The following DDX27 variants were observed in gnomAD, a reference collection of about 807,000 sequenced individuals.
The protein encoded by DDX27 is probable ATP-dependent RNA helicase DDX27.
A neutral mutation model predicts 99.3 loss-of-function variants in DDX27; 42 were observed. The ratio of observed to expected loss-of-function variants is 0.42; its 90% CI spans 0.33 to 0.55. The LOEUF (loss-of-function observed/expected upper bound fraction) is 0.55, where lower values mean the gene tolerates loss of function less well. Ranked by LOEUF, DDX27 falls within the 20% of genes least tolerant of loss-of-function variation. The pLI is 0.07. For synonymous variants in DDX27, 329 were observed against 353.8 expected (o/e 0.93, Z 0.79); for missense variants, 798 against 976.8 (o/e 0.82, Z 2.44).
In DDX27 at chr20:49,219,468, T is replaced by C; in HGVS notation, c.20T>C (p.Leu7Ser). The C allele has an allele frequency of 6.2e-7, 1 of 1,614,050 alleles. No homozygotes were observed. Among genetic ancestry groups the C allele is most frequent in the African/African-American group, 1.3e-5 (1 of 75,010 alleles). Reference protein sequence around the residue: MLADLGLIGTIGEDDEV... With the variant: MLADLGSIGTIGEDDEV... ...GACAACATGCTTGCGGACCTCGGCT[T>C]AATCGGAACCATAGGCGAGGATGAC... The change falls in exon 1 of 21, where the codon TTA becomes TCA. Residue 7 changes from leucine to serine, a missense_variant. By Grantham distance (145) the Leu-to-Ser change is moderately radical. Coordinates refer to ENST00000618172, the MANE Select transcript of DDX27 (RefSeq NM_017895.8).
At chr20:49,225,601 A>G (rs913182552) in intron 6 of DDX27, among the ~76,000 whole-genome samples, 39 of 151,688 alleles carry the variant, frequency 2.6e-4, no homozygotes, top group African/African-American at 9.0e-4. Context: ...GACTACAGGC[A>G]CACGCTGCCA....
chr20:49,243,742 T>C, intron 20 of DDX27, 39 bp downstream of exon 20: 1 of 1,613,986 alleles, frequency 6.2e-7, no homozygotes, highest in Non-Finnish European at 8.5e-7. Flanking sequence ...GGTTTTGGGA[T>C]TAGAGATAAA....
At chr20:49,229,000 G>T in intron 8 of DDX27, 112 bp downstream of exon 8, 38 of 766,532 alleles carry the variant, frequency 5.0e-5, no homozygotes, top group South Asian at 1.2e-4. Context: ...AGGCCTTTGT[G>T]TTGATTGAAT....
chr20:49,226,464 C>A lies in DDX27; in HGVS notation c.635C>A (p.Pro212Gln). ...GCCATGGGCTTCAAGCAGCCCACCC[C>A]GATCCAGAAGGCGTGCATACCTGTG... The part of the protein sequence containing the change: ...ITAMGFKQPT[P>Q]IQKACIPVGL... Residue 212 changes from proline to glutamine, a missense_variant, in exon 7 of 21, where the codon CCG (proline) becomes CAG (glutamine). Pro to Gln is a moderately conservative substitution (Grantham distance 76). Coordinates refer to ENST00000618172, the MANE Select transcript of DDX27 (RefSeq NM_017895.8). The A allele has an allele frequency of 6.2e-7, 1 of 1,614,016 alleles. No individual in the cohort carries two copies. The highest frequency in any genetic ancestry group is 8.5e-7 in the Non-Finnish European group (1 of 1,179,964).
chr20:49,226,740 G>A (rs572539051), intron 7 of DDX27, among the ~76,000 whole-genome samples: 5 of 151,602 alleles, frequency 3.3e-5, no homozygotes, highest in East Asian at 1.9e-4. Flanking sequence ...TCAAGCGATC[G>A]ATTTTCCCAT....
intron 18 of DDX27, 149 bp downstream of exon 18, chr20:49,242,355 G>A (rs1443713220): frequency 8.1e-6 from 11 of 1,365,490 alleles, no homozygotes; most frequent in African/African-American, 5.9e-5. Flanking sequence ...ATCCCTCCAC[G>A]GTCTAAGGGG....
intron 18 of DDX27, 146 bp from the exon 19 acceptor site, chr20:49,242,448 A>C: frequency 1.1e-5 from 11 of 1,024,226 alleles, no homozygotes; most frequent in Non-Finnish European, 1.4e-5. Context: ...ACCAGCTGCT[A>C]CTTGGAGGAG....
intron 2 of DDX27, among the ~76,000 whole-genome samples, chr20:49,222,548 C>T (rs993835237): frequency 6.6e-6 from 1 of 150,926 alleles, no homozygotes; most frequent in African/African-American, 2.4e-5. Context: ...GAGTTTTGCT[C>T]TTGTTGCCCA....
At chr20:49,219,904 G>A (rs193209929) in intron 1 of DDX27, among the ~76,000 whole-genome samples, 5 of 152,284 alleles carry the variant, frequency 3.3e-5, no homozygotes, top group East Asian at 1.9e-4. Context: ...TGTTCATCGA[G>A]CCAGTGTTTA....
chr20:49,229,462 G>C (rs754957687), intron 8 of DDX27, among the ~76,000 whole-genome samples: 3 of 152,094 alleles, frequency 2.0e-5, no homozygotes, highest in Non-Finnish European at 4.4e-5. Flanking sequence ...TCTGCTCTGT[G>C]AGAATAATGA....
In DDX27 at chr20:49,236,960, CCTT is replaced by C. The variant is rs2146718130; in HGVS notation, c.1687+453_1687+455del. Among the ~76,000 whole-genome samples, 1 of 152,260 alleles carries C rather than the reference CCTT, an allele frequency of 6.6e-6. No homozygotes were observed. Among genetic ancestry groups the C allele is most frequent in the East Asian group, 1.9e-4 (1 of 5,178 alleles). On this transcript the variant is annotated intron_variant, in intron 14 of 20. Transcript: ENST00000618172. This position sits in a 1 kb window ranked among gnomAD's most constrained non-coding sequence, Gnocchi z 4.1. ...TTCCTAGGCTCAAGCAATCCACCCA[CCTT>C]CTGCCTCCCAAAGTGCCGGGATTAA...
chr20:49,243,914 T>C lies in DDX27; in HGVS notation c.*80T>C. The C allele has an allele frequency of 6.5e-7, 1 of 1,542,802 alleles. No individual in the cohort carries two copies. Among genetic ancestry groups the C allele is most frequent in the Non-Finnish European group, 8.8e-7 (1 of 1,130,376 alleles). ...GAAGTCATCCTGGCTGGTCTGTCTT[T>C]TCTCCATTTGTTTAAAAAAAAAACA... On this transcript the variant is annotated 3_prime_UTR_variant, in exon 21 of 21. Coordinates refer to ENST00000618172, the MANE Select transcript of DDX27 (RefSeq NM_017895.8).
At chr20:49,225,517 A>T (rs1394200172) in intron 6 of DDX27, among the ~76,000 whole-genome samples, 1 of 135,958 alleles carries the variant, frequency 7.4e-6, no homozygotes, top group South Asian at 2.3e-4. Context: ...GTGCAGTGGC[A>T]CAATCTCGGC....
chr20:49,233,983 C>G (rs1980217527), intron 11 of DDX27: 2 of 380,938 alleles, frequency 5.3e-6, no homozygotes, highest in African/African-American at 3.9e-5. Flanking sequence ...GACCACTGTT[C>G]TCTGTCGCCT....
chr20:49,243,804 A>G lies in DDX27; in HGVS notation c.2280-12A>G. 1 of 1,614,080 alleles carries G rather than the reference A, an allele frequency of 6.2e-7. No homozygotes were observed. ...CATCCTCATTCTGGTCTTAACTCTGATTTTCTTACAGATACAAGAGGAGGA... is the reference window on the plus strand; with the variant it reads ...CATCCTCATTCTGGTCTTAACTCTGGTTTTCTTACAGATACAAGAGGAGGA... On this transcript the variant is annotated splice_polypyrimidine_tract_variant and intron_variant, in intron 20 of 20. Coordinates refer to ENST00000618172, the MANE Select transcript of DDX27 (RefSeq NM_017895.8).
chr20:49,228,625 CA>C, intron 7 of DDX27, 89 bp from the exon 8 acceptor site: 4 of 1,227,772 alleles, frequency 3.3e-6, no homozygotes, highest in Non-Finnish European at 4.5e-6. Flanking sequence ...TTTCCCCAAC[CA>C]GACGTAGTTT....
intron 4 of DDX27, among the ~76,000 whole-genome samples, chr20:49,223,770 A>T (rs1979778276): frequency 1.3e-5 from 2 of 151,870 alleles, no homozygotes; most frequent in Non-Finnish European, 2.9e-5. Context: ...AATCCCAGCC[A>T]CTCAGGTGGC....
chr20:49,230,358 C>T lies in DDX27; in HGVS notation c.1031+9C>T. The T allele has an allele frequency of 1.2e-6, 2 of 1,602,918 alleles. No homozygotes were observed. Among genetic ancestry groups the T allele is most frequent in the South Asian group, 2.2e-5 (2 of 90,872 alleles). Reference sequence around the variant, plus strand: ...CTGGACGAGGCTGACAGGTGCTCCTCACAGCCTGGGGCCCAGGGCACTGTG... The same window carrying T: ...CTGGACGAGGCTGACAGGTGCTCCTTACAGCCTGGGGCCCAGGGCACTGTG... On this transcript the variant is annotated intron_variant, in intron 9 of 20. Coordinates refer to ENST00000618172, the MANE Select transcript of DDX27 (RefSeq NM_017895.8).
chr20:49,235,230 A>G (rs1980263645), intron 12 of DDX27, 142 bp downstream of exon 12: 1 of 935,192 alleles, frequency 1.1e-6, no homozygotes, highest in African/African-American at 1.7e-5. Flanking sequence ...TTTTAACCTA[A>G]CCACTGTGAG....
Sources: allele counts gnomAD v4.1 joint callset (sites outside exome capture counted in the v4.1 genomes callset), GRCh38; gene constraint gnomAD v4.1.1; non-coding constraint Gnocchi (gnomAD v3.1); transcripts MANE v1.5; gene names NCBI Gene and HGNC (gene_info 2026-07-23, HGNC 2026-07-21).